The following HECTD4 variants were observed in gnomAD, a reference collection of about 807,000 sequenced individuals.
HECTD4 encodes HECT domain E3 ubiquitin protein ligase 4.
HECTD4 carries 114 observed loss-of-function variants against 471.5 expected under a neutral mutation model. The observed-to-expected ratio is 0.24, with a 90% CI of 0.21 to 0.28. The LOEUF is 0.28. Ranked by LOEUF, HECTD4 falls within the 10% of genes least tolerant of loss-of-function variation. HECTD4 has a pLI of 1.00. For synonymous variants in HECTD4, 2,012 were observed against 2,256.0 expected (o/e 0.89, Z 3.07); for missense variants, 3,866 against 5,651.5 (o/e 0.68, Z 10.13).
chr12:112,313,109 C>T lies in HECTD4; in HGVS notation c.824G>A (p.Cys275Tyr). ...LLEGGPGSPS[C>Y]LLGGKHIVSW... ...TACTATGTGTTTGCCCCCAAGCAAA[C>T]AGGAGGGAGATCCAGGCCCCCCTTC... is the stretch of plus-strand genomic sequence containing the variant. The change falls in exon 4 of 76, where the codon TGT (cysteine) becomes TAT (tyrosine). Residue 275 changes from cysteine (C) to tyrosine (Y), a missense_variant. Physicochemically the swap from Cys to Tyr is radical, Grantham distance 194. Around this residue, in one of 16 missense-constraint regions of HECTD4, gnomAD observed 440 missense variants for 636.0 expected, o/e 0.69. Coordinates refer to ENST00000682272, the MANE Select transcript of HECTD4 (RefSeq NM_001388303.1). 6.5e-7 allele frequency: 1 copy of T among 1,535,464 alleles called. No homozygotes were observed. The highest frequency in any genetic ancestry group is 8.7e-7 in the Non-Finnish European group (1 of 1,146,562).
chr12:112,193,036 ATCT>A lies in HECTD4; in HGVS notation c.9086+22_9086+24del, dbSNP rs770765523. On this transcript the variant is annotated intron_variant, in intron 58 of 75. Coordinates refer to ENST00000682272, the MANE Select transcript of HECTD4 (RefSeq NM_001388303.1). The surrounding 1 kb of genome is among the most constrained non-coding windows in gnomAD (Gnocchi z 5.2). Reference sequence around the variant, plus strand: ...ATTTAGCTTTCCTCTCCCCATCACCATCTTCTTGAGAACAGGCAACTTACTCTT... The same window carrying A: ...ATTTAGCTTTCCTCTCCCCATCACCATCTTGAGAACAGGCAACTTACTCTT... 1.2e-6 allele frequency: 2 copies of A among 1,613,414 alleles called. No homozygotes were observed. The highest frequency in any genetic ancestry group is 2.2e-5 in the East Asian group (1 of 44,880).
At chr12:112,167,672 A>C (rs1364923218) in intron 71 of HECTD4, 134 bp from the exon 72 acceptor site, 1 of 1,015,418 alleles carries the variant, frequency 9.8e-7, no homozygotes, top group East Asian at 2.6e-5. Flanking sequence ...TTGCCCATCC[A>C]GTGAGGCAAG....
intron 2 of HECTD4, among the ~76,000 whole-genome samples, chr12:112,317,672 TA>T (rs1413416135): frequency 1.3e-5 from 2 of 152,058 alleles, no homozygotes; most frequent in African/African-American, 2.4e-5. Context: ...GAAGAATGTA[TA>T]AAATTCCTAG....
chr12:112,220,712 G>T (rs1417566161), intron 44 of HECTD4, among the ~76,000 whole-genome samples: 1 of 152,072 alleles, frequency 6.6e-6, no homozygotes, highest in South Asian at 2.1e-4. Flanking sequence ...CATGATAATC[G>T]CTTGAACCCA....
intron 60 of HECTD4, among the ~76,000 whole-genome samples, chr12:112,190,361 G>A (rs1468999371): frequency 1.3e-5 from 2 of 152,110 alleles, no homozygotes; most frequent in Non-Finnish European, 2.9e-5. Context: ...ATGGTAAAAT[G>A]CACAACTTTT....
chr12:112,176,849 T>C lies in HECTD4; in HGVS notation c.11364-147A>G, dbSNP rs2031468772. On this transcript the variant is annotated intron_variant, in intron 64 of 75. Transcript: ENST00000682272. ...TAGGGCGGGGGCGTTCAAGACCGCC[T>C]TTGTTCTGAGTGAGAAAAGTTCACT... 9.3e-6 allele frequency: 6 copies of C among 646,394 alleles called. No homozygotes were observed. The South Asian group carries it at 1.1e-4, about 12-fold the overall frequency. The allele number at this position is 646,394 out of a possible 1,614,324, so 40.0% of individuals were successfully genotyped here. A position where few individuals can be genotyped will look rare whatever the true frequency, so the allele number is the denominator to read the frequency against.
At chr12:112,260,702 G>C (rs554094837) in intron 18 of HECTD4, among the ~76,000 whole-genome samples, 2 of 150,868 alleles carry the variant, frequency 1.3e-5, no homozygotes, top group South Asian at 4.2e-4. Context: ...TTAGCCTCCT[G>C]AGTAGCTGGG....
intron 7 of HECTD4, among the ~76,000 whole-genome samples, chr12:112,299,256 G>A (rs1390352426): frequency 6.6e-6 from 1 of 151,996 alleles, no homozygotes; most frequent in Non-Finnish European, 1.5e-5. Context: ...TGAATATTCT[G>A]AATACTTCAC....
At chr12:112,294,974 G>A (rs2034973024) in intron 7 of HECTD4, among the ~76,000 whole-genome samples, 1 of 151,824 alleles carries the variant, frequency 6.6e-6, no homozygotes, top group Admixed American at 6.6e-5. Flanking sequence ...CATTCATTTA[G>A]CAAATATTTA....
At chr12:112,268,058 G>A (rs11066224) in intron 13 of HECTD4, among the ~76,000 whole-genome samples, 6,226 of 152,022 alleles carry the variant, frequency 0.041, 282 homozygotes, top group African/African-American at 0.11. Context: ...ACTTGGCCTC[G>A]GCGATCCACC....
At chr12:112,329,935 G>C (rs935662465) in intron 1 of HECTD4, among the ~76,000 whole-genome samples, 8 of 152,042 alleles carry the variant, frequency 5.3e-5, no homozygotes, top group Non-Finnish European at 1.0e-4. Context: ...AACATAGTGA[G>C]ACCCCATCTC....
intron 52 of HECTD4, 130 bp from the exon 53 acceptor site, chr12:112,204,753 T>G (rs779181234): frequency 9.5e-6 from 7 of 739,180 alleles, no homozygotes; most frequent in Non-Finnish European, 1.5e-5. Flanking sequence ...CATAACCCTT[T>G]GGCGAAGGAA....
chr12:112,204,100 T>C (rs547900860), intron 53 of HECTD4, among the ~76,000 whole-genome samples: 1 of 152,324 alleles, frequency 6.6e-6, no homozygotes, highest in South Asian at 2.1e-4. Flanking sequence ...TGGAGTGCAG[T>C]GGTGTGATCT....
chr12:112,382,334 G>GCCGCCGCCT lies in HECTD4; in HGVS notation c.-207_-206insAGGCGGCGG. The GCCGCCGCCT allele has an allele frequency of 2.6e-6, 1 of 388,736 alleles. No homozygotes were observed. The highest frequency in any genetic ancestry group is 4.4e-6 in the Non-Finnish European group (1 of 226,320). 24.1% of individuals were successfully genotyped at this position (388,736 alleles called of 1,614,324 possible). On this transcript the variant is annotated 5_prime_UTR_variant, in exon 1 of 76. Coordinates refer to ENST00000682272, the MANE Select transcript of HECTD4 (RefSeq NM_001388303.1). Reference sequence around the variant, plus strand: ...CCCGGGAGACCCCGGCCCTGCCGCCGCCGCCGCCGCCGCCGCCGCCGCCGC... The same window carrying GCCGCCGCCT: ...CCCGGGAGACCCCGGCCCTGCCGCCGCCGCCGCCTCCGCCGCCGCCGCCGCCGCCGCCGC...
Position 112,184,600 on chromosome 12 carries a change from C to T in HECTD4, c.10366G>A (p.Glu3456Lys). The change falls in exon 61 of 76, where the codon GAG becomes AAG. Residue 3456 changes from glutamate to lysine, a missense_variant. Transcript: ENST00000682272. This position sits in a 1 kb window ranked among gnomAD's most constrained non-coding sequence, Gnocchi z 9.1. The stretch of plus-strand genomic sequence containing the variant: ...GGGAAGGCCAGTGTCTTCTCGGGCT[C>T]AACTTTCCCGTCCCCGCCCTCGGCC... ...DKAEGGDGKVEPEKTLAFPGT... is the reference protein window; with the variant it reads ...DKAEGGDGKVKPEKTLAFPGT... 1.9e-6 allele frequency: 3 copies of T among 1,613,876 alleles called. No individual in the cohort carries two copies. In the South Asian group the frequency reaches 3.3e-5, roughly 18 times the overall value.
intron 59 of HECTD4, among the ~76,000 whole-genome samples, chr12:112,191,560 A>G (rs1031548862): frequency 6.6e-6 from 1 of 152,148 alleles, no homozygotes; most frequent in Non-Finnish European, 1.5e-5. Flanking sequence ...CCCTCTATAA[A>G]CACCAGTCAG....
Position 112,273,670 on chromosome 12 carries a change from T to C in HECTD4, c.1927A>G (p.Ile643Val), listed in dbSNP as rs1413376253. 6.2e-7 allele frequency: 1 copy of C among 1,613,982 alleles called. No homozygotes were observed. The highest frequency in any genetic ancestry group is 2.2e-5 in the East Asian group (1 of 44,884). The change falls in exon 11 of 76, where the codon ATC becomes GTC. Residue 643 changes from isoleucine (I) to valine (V), a missense_variant. Around this residue, in one of 16 missense-constraint regions of HECTD4, gnomAD observed 525 missense variants for 672.6 expected, o/e 0.78. Transcript: ENST00000682272. ...TGCACCTCACCTTTGGGCTCAGTGA[T>C]AATGTGACTGACTCCAAGTCTCTGG... Reference protein sequence around the residue: ...VCQRLGVSHIITEPKEEAITT... With the variant: ...VCQRLGVSHIVTEPKEEAITT...
rs918282756 is a variant in HECTD4, at chr12:112,382,220, CCG to C, written c.-94_-93del. 1 of 1,071,312 alleles carries C rather than the reference CCG, an allele frequency of 9.3e-7. No homozygotes were observed. Among genetic ancestry groups the C allele is most frequent in the African/African-American group, 1.7e-5 (1 of 60,234 alleles). 66.4% of individuals were successfully genotyped at this position (1,071,312 alleles called of 1,614,324 possible). On this transcript the variant is annotated 5_prime_UTR_variant, in exon 1 of 76. Transcript: ENST00000682272. ...CGCGATCACCAGTCCATGGCAGCGGCCGCCGCGCCCGCCAGCGGCGCCCCACT... is the reference window on the plus strand; with the variant it reads ...CGCGATCACCAGTCCATGGCAGCGGCCCGCGCCCGCCAGCGGCGCCCCACT...
intron 10 of HECTD4, among the ~76,000 whole-genome samples, chr12:112,274,497 G>A (rs1429535559): frequency 2.0e-5 from 3 of 152,202 alleles, no homozygotes; most frequent in African/African-American, 7.2e-5. Flanking sequence ...CTTGAGCCTA[G>A]GAGTTTGAGA....
Sources: gnomAD v4.1 joint callset for allele counts (sites outside exome capture counted in the v4.1 genomes callset) on GRCh38, gnomAD v4.1.1 for gene constraint, gnomAD v4.1.1 regional missense constraint, Gnocchi (gnomAD v3.1) non-coding constraint, MANE v1.5 for transcripts, NCBI Gene and HGNC (gene_info 2026-07-23, HGNC 2026-07-21) for gene names.